The following XRCC4 variants were observed in gnomAD, a reference collection of about 807,000 sequenced individuals.
XRCC4 encodes the protein X-ray repair cross complementing 4, also known as DNA repair protein XRCC4.
Under a neutral mutation model 39.1 loss-of-function variants are expected in XRCC4, and 28 were observed. The ratio of observed to expected loss-of-function variants is 0.72; its 90% confidence interval spans 0.53 to 0.98. XRCC4 has a LOEUF of 0.98. XRCC4 is among the 50% of genes least tolerant of loss of function. The pLI, the probability that XRCC4 is intolerant of heterozygous loss-of-function variation, is 0.00. For missense variants in XRCC4, 350 were observed against 376.4 expected (o/e 0.93, Z 0.58); for synonymous variants, 123 against 126.4 (o/e 0.97, Z 0.18).
intron 7 of XRCC4, among the ~76,000 whole-genome samples, chr5:83,309,229 TACACTCCAGCC>T (rs1755596922): frequency 9.0e-6 from 1 of 110,810 alleles, no homozygotes. Flanking sequence ...ATCATACCAC[TACACTCCAGCC>T]TGGGTGACAG....
At chr5:83,123,385 AT>A (rs1227146378) in intron 3 of XRCC4, among the ~76,000 whole-genome samples, 1 of 151,226 alleles carries the variant, frequency 6.6e-6, no homozygotes, top group South Asian at 2.1e-4. Flanking sequence ...CACGTGGAAT[AT>A]TTTTTCATCC....
Position 83,203,548 on chromosome 5 carries a change from T to A in XRCC4, c.483-4T>A, listed in dbSNP as rs1328781236. 1.9e-6 allele frequency: 3 copies of A among 1,577,562 alleles called. No homozygotes were observed. The highest frequency in any genetic ancestry group is 2.8e-5 in the African/African-American group (2 of 72,664). On this transcript the variant is annotated splice_polypyrimidine_tract_variant and splice_region_variant and intron_variant, in intron 4 of 7. Coordinates refer to ENST00000396027, the MANE Select transcript of XRCC4 (RefSeq NM_003401.5). ...CTAATTTGTTTACTTATTTACTTTT[T>A]TAGATTTGAAAAATGTGTGAGTGCT...
intron 7 of XRCC4, among the ~76,000 whole-genome samples, chr5:83,341,321 C>T (rs754587131): frequency 1.3e-5 from 2 of 152,072 alleles, no homozygotes; most frequent in Non-Finnish European, 2.9e-5. Flanking sequence ...CACATGAGCA[C>T]ATACACACAC....
At chr5:83,148,179 A>G (rs1404749264) in intron 3 of XRCC4, among the ~76,000 whole-genome samples, 1 of 152,226 alleles carries the variant, frequency 6.6e-6, no homozygotes, top group African/African-American at 2.4e-5. Flanking sequence ...AGCACCTATT[A>G]AATATGGCAG....
chr5:83,086,815 C>T (rs1745203810), intron 1 of XRCC4, among the ~76,000 whole-genome samples: 1 of 151,948 alleles, frequency 6.6e-6, no homozygotes, highest in Non-Finnish European at 1.5e-5. Context: ...AAGACATTGG[C>T]TGGTTCTCTC....
chr5:83,190,000 C>G (rs1750622983), intron 3 of XRCC4, among the ~76,000 whole-genome samples: 1 of 152,096 alleles, frequency 6.6e-6, no homozygotes, highest in Non-Finnish European at 1.5e-5. Flanking sequence ...GGAGGCGGAG[C>G]TTGCAATGAG....
intron 6 of XRCC4, among the ~76,000 whole-genome samples, chr5:83,227,021 G>C (rs367942022): frequency 9.9e-5 from 15 of 152,022 alleles, no homozygotes; most frequent in Middle Eastern, 3.4e-3. Flanking sequence ...TTTTCCCTGT[G>C]TTAGAGTTTT....
chr5:83,149,363 T>G (rs1231883824), intron 3 of XRCC4, among the ~76,000 whole-genome samples: 1 of 149,290 alleles, frequency 6.7e-6, no homozygotes, highest in African/African-American at 2.5e-5. Context: ...AATATTTAGG[T>G]TTTTTTTTTG....
intron 6 of XRCC4, among the ~76,000 whole-genome samples, chr5:83,229,893 T>A (rs1008265027): frequency 2.0e-5 from 3 of 151,848 alleles, no homozygotes; most frequent in Non-Finnish European, 4.4e-5. Context: ...TATTGAAAAT[T>A]AAATAAAGTG....
intron 3 of XRCC4, among the ~76,000 whole-genome samples, chr5:83,179,634 A>C (rs187365109): frequency 2.4e-4 from 36 of 152,266 alleles, no homozygotes; most frequent in Non-Finnish European, 4.6e-4. Context: ...GTGAGAACCC[A>C]CCAGCACCCA....
chr5:83,300,321 G>A (rs989056397), intron 7 of XRCC4, among the ~76,000 whole-genome samples: 4 of 152,014 alleles, frequency 2.6e-5, no homozygotes, highest in African/African-American at 9.7e-5. Context: ...AAAAAAAAGT[G>A]TATGTATGTT....
Position 83,305,170 on chromosome 5 carries a change from A to T in XRCC4, c.893+46493A>T, listed in dbSNP as rs566671749. 8.5e-4 allele frequency among the ~76,000 whole-genome samples: 129 copies of T among 152,246 alleles called. No homozygotes were observed. In the Middle Eastern group the frequency reaches 0.01, roughly 12 times the overall value. On this transcript the variant is annotated intron_variant, in intron 7 of 7. Transcript: ENST00000396027. ...TGAGAACATAGTACAGAGTTCCCAT[A>T]TACCTCATACTCAGTTTCTCTTATT...
At chr5:83,321,082 T>C (rs535432752) in intron 7 of XRCC4, among the ~76,000 whole-genome samples, 1 of 152,250 alleles carries the variant, frequency 6.6e-6, no homozygotes, top group Admixed American at 6.5e-5. Flanking sequence ...GTGCTGGGAT[T>C]ACAGGCATTA....
chr5:83,264,114 C>T (rs150739712), intron 7 of XRCC4, among the ~76,000 whole-genome samples: 129 of 152,292 alleles, frequency 8.5e-4, no homozygotes, highest in African/African-American at 3.0e-3. Context: ...CTTCCTGAAC[C>T]TACAAAAGCT....
intron 4 of XRCC4, among the ~76,000 whole-genome samples, chr5:83,199,293 T>C (rs1751077773): frequency 6.6e-6 from 1 of 152,184 alleles, no homozygotes; most frequent in African/African-American, 2.4e-5. Flanking sequence ...GTAATCTGAA[T>C]CCTTCACGGT....
At chr5:83,238,745 T>C (rs148717795) in intron 6 of XRCC4, among the ~76,000 whole-genome samples, 98 of 152,250 alleles carry the variant, frequency 6.4e-4, no homozygotes, top group East Asian at 3.9e-3. Context: ...GAAGTAAGGT[T>C]GGGTCCTTTT....
At chr5:83,321,345 G>A (rs1580509503) in intron 7 of XRCC4, among the ~76,000 whole-genome samples, 3 of 152,020 alleles carry the variant, frequency 2.0e-5, no homozygotes, top group East Asian at 1.9e-4. Context: ...AATTTTTTAG[G>A]GTTGCATAAT....
chr5:83,165,748 G>T (rs1235371632), intron 3 of XRCC4, among the ~76,000 whole-genome samples: 1 of 152,010 alleles, frequency 6.6e-6, no homozygotes, highest in South Asian at 2.1e-4. Flanking sequence ...TTGGTTTTCT[G>T]TTTCTGTATT....
chr5:83,280,576 G>A, intron 7 of XRCC4: 1 of 474,006 alleles, frequency 2.1e-6, no homozygotes, highest in Non-Finnish European at 3.9e-6. Flanking sequence ...TCCGACCACT[G>A]TAGCCGACTT....
Sources: allele counts gnomAD v4.1 joint callset (sites outside exome capture counted in the v4.1 genomes callset), GRCh38; gene constraint gnomAD v4.1.1; transcripts MANE v1.5; gene names NCBI Gene and HGNC (gene_info 2026-07-23, HGNC 2026-07-21).